PHF14: variants seen among roughly 807,000 people sequenced by gnomAD.
The protein encoded by PHF14 is PHD finger protein 14.
A neutral mutation model predicts 117.9 loss-of-function variants in PHF14; 55 were observed. That is an observed-to-expected ratio of 0.47 (90% CI 0.38 to 0.58). PHF14 has a LOEUF of 0.58. PHF14 is among the 20% of genes least tolerant of loss of function. PHF14 has a pLI of 0.00. For synonymous variants in PHF14, 409 were observed against 368.6 expected (o/e 1.11, Z -1.26); for missense variants, 978 against 1,122.2 (o/e 0.87, Z 1.84).
intron 14 of PHF14, among the ~76,000 whole-genome samples, chr7:11,056,905 A>T (rs1271362384): frequency 1.3e-5 from 2 of 151,412 alleles, no homozygotes; most frequent in African/African-American, 4.8e-5. Context: ...TCCCCAGCAT[A>T]AATCTAATGC....
intron 17 of PHF14, among the ~76,000 whole-genome samples, chr7:11,117,321 T>C (rs997777538): frequency 1.3e-5 from 2 of 151,832 alleles, no homozygotes; most frequent in Admixed American, 1.3e-4. Context: ...TTCAGTCTTA[T>C]TTGATCTTTC....
intron 4 of PHF14, among the ~76,000 whole-genome samples, chr7:11,008,225 C>T (rs958550244): frequency 8.5e-5 from 13 of 152,168 alleles, no homozygotes; most frequent in Admixed American, 4.6e-4. Flanking sequence ...TTAGCCTAGC[C>T]CAAGGCCATT....
intron 4 of PHF14, among the ~76,000 whole-genome samples, chr7:11,005,070 A>G (rs116012220): frequency 0.029 from 4,468 of 152,050 alleles, 222 homozygotes; most frequent in African/African-American, 0.1. Flanking sequence ...AGTTTAGGTG[A>G]TGTCAACCAC....
chr7:11,088,684 T>C (rs562875475), intron 16 of PHF14, among the ~76,000 whole-genome samples: 114 of 152,264 alleles, frequency 7.5e-4, no homozygotes, highest in African/African-American at 2.5e-3. Context: ...AAAGAAATGC[T>C]AATATAAAAA....
intron 4 of PHF14, among the ~76,000 whole-genome samples, chr7:10,998,793 T>G (rs1223997085): frequency 1.3e-5 from 2 of 152,212 alleles, no homozygotes. Flanking sequence ...TCAGTTTTGG[T>G]GATTCTCTTA....
chr7:11,150,533 G>C (rs1788673978), intron 17 of PHF14, among the ~76,000 whole-genome samples: 2 of 152,204 alleles, frequency 1.3e-5, no homozygotes, highest in African/African-American at 4.8e-5. Flanking sequence ...AAAGAGAGAG[G>C]AAGTGGGAAT....
At chr7:10,982,231 A>T (rs1231723005) in intron 2 of PHF14, 141 bp from the exon 3 acceptor site, 6 of 565,834 alleles carry the variant, frequency 1.1e-5, no homozygotes, top group Non-Finnish European at 1.5e-5. Flanking sequence ...GGGAATGTCT[A>T]CCATTCTTTG....
intron 16 of PHF14, among the ~76,000 whole-genome samples, chr7:11,088,089 G>A (rs1327253818): frequency 3.9e-5 from 6 of 152,028 alleles, no homozygotes; most frequent in Admixed American, 3.3e-4. Context: ...ACCGCTCTCG[G>A]ATATCAAAAT....
At chr7:11,057,031 A>T (rs1785044754) in intron 14 of PHF14, among the ~76,000 whole-genome samples, 1 of 151,986 alleles carries the variant, frequency 6.6e-6, no homozygotes, top group African/African-American at 2.4e-5. Flanking sequence ...TGCAGAGGGA[A>T]GCATTTCTTA....
chr7:11,093,851 G>C (rs373115349), intron 16 of PHF14, among the ~76,000 whole-genome samples: 6 of 148,766 alleles, frequency 4.0e-5, no homozygotes, highest in African/African-American at 7.3e-5. Flanking sequence ...CTGACTCTCA[G>C]GGGTAGGAGA....
At position 11,038,860 on chromosome 7, in the gene PHF14, G is replaced by A; in HGVS notation, c.2076+5G>A. ...CTAGGCAGAATCACAGGGCAGGTTAGTTTCTTTCCAATTGCTGTCTCCTTC... is the reference window on the plus strand; with the variant it reads ...CTAGGCAGAATCACAGGGCAGGTTAATTTCTTTCCAATTGCTGTCTCCTTC... On this transcript the variant is annotated splice_donor_5th_base_variant and intron_variant, in intron 11 of 17. Coordinates refer to ENST00000634607, the MANE Select transcript of PHF14 (RefSeq NM_001007157.2). 1 of 1,455,740 alleles carries A rather than the reference G, an allele frequency of 6.9e-7. No homozygotes were observed. Among genetic ancestry groups the A allele is most frequent in the Non-Finnish European group, 9.4e-7 (1 of 1,060,302 alleles). The allele number at this position is 1,455,740 out of a possible 1,614,324, so 90.2% of individuals were successfully genotyped here. A position where few individuals can be genotyped will look rare whatever the true frequency, so the allele number is the denominator to read the frequency against.
intron 7 of PHF14, among the ~76,000 whole-genome samples, chr7:11,035,029 T>G (rs1212261798): frequency 6.6e-6 from 1 of 152,056 alleles, no homozygotes; most frequent in African/African-American, 2.4e-5. Flanking sequence ...AAACAGTGAC[T>G]TTTTAAAAAA....
chr7:10,979,813 A>G (rs548640069), intron 2 of PHF14, among the ~76,000 whole-genome samples: 38 of 152,230 alleles, frequency 2.5e-4, no homozygotes, highest in African/African-American at 9.1e-4. Context: ...GCTGATCCCT[A>G]TAGAAAGATA....
intron 17 of PHF14, among the ~76,000 whole-genome samples, chr7:11,127,129 A>G (rs1021487865): frequency 4.0e-5 from 6 of 151,862 alleles, no homozygotes; most frequent in Admixed American, 3.3e-4. Context: ...TTTAAATATC[A>G]AAGTCCAGTC....
At chr7:11,097,438 A>G (rs1255137739) in intron 16 of PHF14, among the ~76,000 whole-genome samples, 3 of 152,202 alleles carry the variant, frequency 2.0e-5, no homozygotes, top group Non-Finnish European at 2.9e-5. Context: ...TCAGTTTTCT[A>G]AATTATGACT....
chr7:11,006,464 C>A, intron 4 of PHF14: 1 of 538,648 alleles, frequency 1.9e-6, no homozygotes, highest in Admixed American at 1.9e-5. Context: ...CGAACATATG[C>A]CTTCTTTTCT....
intron 4 of PHF14, among the ~76,000 whole-genome samples, chr7:11,002,745 A>G (rs1245025174): frequency 6.6e-6 from 1 of 152,062 alleles, no homozygotes; most frequent in African/African-American, 2.4e-5. Flanking sequence ...CGCCCGGCCA[A>G]AAATTAAGAC....
chr7:11,028,943 C>T, intron 7 of PHF14, 125 bp downstream of exon 7: 1 of 795,264 alleles, frequency 1.3e-6, no homozygotes, highest in South Asian at 2.3e-5. Flanking sequence ...TTGCCAAGAT[C>T]ACTGTTCTAA....
intron 16 of PHF14, among the ~76,000 whole-genome samples, chr7:11,089,320 C>T (rs910824691): frequency 2.6e-5 from 4 of 152,194 alleles, no homozygotes; most frequent in Admixed American, 1.3e-4. Flanking sequence ...CATTGAGGCA[C>T]AAACAATTCA....
Sources: gnomAD v4.1 joint callset for allele counts (sites outside exome capture counted in the v4.1 genomes callset) on GRCh38, gnomAD v4.1.1 for gene constraint, MANE v1.5 for transcripts, NCBI Gene and HGNC (gene_info 2026-07-23, HGNC 2026-07-21) for gene names.